The following LARS1 variants were observed in gnomAD, a reference collection of about 807,000 sequenced individuals.
LARS1 encodes the protein leucine--tRNA ligase, cytoplasmic.
LARS1 carries 100 observed loss-of-function variants against 162.8 expected under a neutral mutation model. The ratio of observed to expected loss-of-function variants is 0.61; its 90% CI spans 0.52 to 0.73. The LOEUF is 0.73. LARS1 is among the 30% of genes least tolerant of loss of function. LARS1 has a pLI of 0.00. For synonymous variants in LARS1, 457 were observed against 462.8 expected (o/e 0.99, Z 0.16); for missense variants, 1,258 against 1,408.9 (o/e 0.89, Z 1.71).
Position 146,152,006 on chromosome 5 carries a change from C to T in LARS1, c.1285-4G>A, listed in dbSNP as rs1258762841. 2 of 1,613,648 alleles carry T rather than the reference C, an allele frequency of 1.2e-6. No homozygotes were observed. The highest frequency in any genetic ancestry group is 2.2e-5 in the South Asian group (2 of 91,082). ...CTGGGATTTCAATGACTGGCACCTGCAGCAAACAGCAATCAGGAACGTGTT... is the reference window on the plus strand; with the variant it reads ...CTGGGATTTCAATGACTGGCACCTGTAGCAAACAGCAATCAGGAACGTGTT... On this transcript the variant is annotated splice_region_variant and splice_polypyrimidine_tract_variant and intron_variant, in intron 13 of 31. Coordinates refer to ENST00000394434, the MANE Select transcript of LARS1 (RefSeq NM_020117.11).
intron 10 of LARS1, among the ~76,000 whole-genome samples, chr5:146,154,847 T>C (rs371947205): frequency 6.6e-6 from 1 of 152,086 alleles, no homozygotes; most frequent in Admixed American, 6.5e-5. Flanking sequence ...TTATACCTAC[T>C]AGAGGAAAAA....
chr5:146,179,760 C>G (rs1754752944), intron 1 of LARS1: 1 of 326,954 alleles, frequency 3.1e-6, no homozygotes, highest in Admixed American at 3.7e-5. Context: ...CACCACCATA[C>G]CCAGATAGTT....
intron 13 of LARS1, among the ~76,000 whole-genome samples, chr5:146,152,487 A>T (rs904056489): frequency 6.6e-6 from 1 of 152,082 alleles, no homozygotes; most frequent in African/African-American, 2.4e-5. Flanking sequence ...CACGAACCCT[A>T]TTGTGAACTG....
chr5:146,165,459 A>T (rs1054066684), intron 5 of LARS1, among the ~76,000 whole-genome samples: 2 of 152,184 alleles, frequency 1.3e-5, no homozygotes, highest in South Asian at 4.1e-4. Flanking sequence ...TGAACCCAGG[A>T]GGCAGAGGTT....
chr5:146,174,589 T>G (rs1581090701), intron 2 of LARS1, among the ~76,000 whole-genome samples: 2 of 4,922 alleles, frequency 4.1e-4, no homozygotes, highest in Non-Finnish European at 1.7e-3. Flanking sequence ...TATATATCCA[T>G]ATATATATAT....
chr5:146,157,690 G>A (rs1257043506), intron 9 of LARS1, 38 bp downstream of exon 9: 3 of 1,611,538 alleles, frequency 1.9e-6, no homozygotes, highest in Non-Finnish European at 2.5e-6. Flanking sequence ...CTATCTGATG[G>A]TTCAGAAATG....
Position 146,120,416 on chromosome 5 carries a change from CACA to C in LARS1, c.3277_3279del (p.Cys1093del). Reference sequence around the variant, plus strand: ...TTCATTAAACGCCTGATTATGGAATCACAGTTATCTCCTTGCCTGATTTCAATT... The same window carrying C: ...TTCATTAAACGCCTGATTATGGAATCGTTATCTCCTTGCCTGATTTCAATT... On this transcript the variant is annotated inframe_deletion, in exon 31 of 32. Transcript: ENST00000394434. The C allele has an allele frequency of 6.2e-7, 1 of 1,613,342 alleles. No individual in the cohort carries two copies. The highest frequency in any genetic ancestry group is 1.7e-5 in the Admixed American group (1 of 59,950).
Position 146,126,493 on chromosome 5 carries a change from C to T in LARS1, c.2933G>A (p.Ser978Asn). The stretch of plus-strand genomic sequence containing the variant: ...CATGTATTTCTTCAGTTCTGGCATA[C>T]TGCCTAGTTCACTAGCAATGACTTT... ...DNKVIASELG[S>N]MPELKKYMKK... The change falls in exon 28 of 32, where the codon AGT becomes AAT. Residue 978 changes from serine (S) to asparagine (N), a missense_variant. Ser to Asn is a conservative substitution (Grantham distance 46). Transcript: ENST00000394434. 6.8e-6 allele frequency: 11 copies of T among 1,612,442 alleles called. No homozygotes were observed. Among genetic ancestry groups the T allele is most frequent in the Non-Finnish European group, 9.3e-6 (11 of 1,178,870 alleles).
At chr5:146,130,254 G>T in intron 24 of LARS1, 96 bp from the exon 25 acceptor site, 1 of 1,169,298 alleles carries the variant, frequency 8.6e-7, no homozygotes, top group Non-Finnish European at 1.2e-6. Flanking sequence ...ACATTTTTAA[G>T]TTTCTAGTCT....
chr5:146,137,957 C>G (rs1312018290), intron 21 of LARS1: 1 of 155,894 alleles, frequency 6.4e-6, no homozygotes, highest in Non-Finnish European at 1.4e-5. Flanking sequence ...CCCGTCTCTA[C>G]TAAAAATACA....
intron 31 of LARS1, 22 bp downstream of exon 31, chr5:146,120,349 G>A: frequency 3.1e-6 from 5 of 1,611,700 alleles, no homozygotes; most frequent in Admixed American, 1.7e-5. Context: ...CTGACAAATG[G>A]GAGTTTTGGG....
rs1342266347 is a variant in LARS1, at chr5:146,157,635, A to G, written c.840-7T>C. ...ATTTTTACCTTTCAGGCCACTGAGA[A>G]AAAAAAACAAATATTGATGTAAAAA... On this transcript the variant is annotated splice_polypyrimidine_tract_variant and splice_region_variant and intron_variant, in intron 9 of 31. Coordinates refer to ENST00000394434, the MANE Select transcript of LARS1 (RefSeq NM_020117.11). 1 of 1,613,792 alleles carries G rather than the reference A, an allele frequency of 6.2e-7. No individual in the cohort carries two copies.
intron 21 of LARS1, chr5:146,137,817 A>C: frequency 3.6e-6 from 1 of 276,612 alleles, no homozygotes; most frequent in Non-Finnish European, 7.1e-6. Flanking sequence ...TCCAGAACAC[A>C]CAGCTCTTCT....
intron 31 of LARS1, among the ~76,000 whole-genome samples, chr5:146,116,373 C>T (rs535110772): frequency 6.6e-6 from 1 of 152,306 alleles, no homozygotes; most frequent in Non-Finnish European, 1.5e-5. Context: ...TACACACACA[C>T]TCTTTCTCTC....
At chr5:146,177,034 C>T (rs1754612314) in intron 2 of LARS1, among the ~76,000 whole-genome samples, 1 of 151,892 alleles carries the variant, frequency 6.6e-6, no homozygotes, top group Non-Finnish European at 1.5e-5. Context: ...CTTTACAAAC[C>T]CCATAAGAAA....
Position 146,126,417 on chromosome 5 carries a change from A to G in LARS1, c.2991+18T>C, listed in dbSNP as rs796105401. ...CCATTGCTCATGTGGTCACAGCTGCATAAGGTCCACAGCTTACCTTAATCA... is the reference window on the plus strand; with the variant it reads ...CCATTGCTCATGTGGTCACAGCTGCGTAAGGTCCACAGCTTACCTTAATCA... On this transcript the variant is annotated intron_variant, in intron 28 of 31. Coordinates refer to ENST00000394434, the MANE Select transcript of LARS1 (RefSeq NM_020117.11). 1.4e-6 allele frequency: 2 copies of G among 1,481,382 alleles called. No homozygotes were observed. The highest frequency in any genetic ancestry group is 4.5e-5 in the East Asian group (2 of 44,270). The allele number at this position is 1,481,382 out of a possible 1,614,324, so 91.8% of individuals were successfully genotyped here. A position where few individuals can be genotyped will look rare whatever the true frequency, so the allele number is the denominator to read the frequency against.
At chr5:146,141,742 G>A (rs1752786874) in intron 20 of LARS1, among the ~76,000 whole-genome samples, 1 of 152,206 alleles carries the variant, frequency 6.6e-6, no homozygotes, top group Non-Finnish European at 1.5e-5. Flanking sequence ...ACTGCAGTGA[G>A]CCAAGATCAT....
intron 28 of LARS1, among the ~76,000 whole-genome samples, chr5:146,125,976 C>A (rs1752025389): frequency 6.6e-6 from 1 of 151,926 alleles, no homozygotes; most frequent in Non-Finnish European, 1.5e-5. Flanking sequence ...TCCTACAGTG[C>A]ACAAGAAAGT....
chr5:146,150,291 A>C (rs1414883860), intron 14 of LARS1, among the ~76,000 whole-genome samples: 1 of 152,180 alleles, frequency 6.6e-6, no homozygotes, highest in African/African-American at 2.4e-5. Context: ...TTTCACCTAC[A>C]TGACTCTTAT....
Sources: gnomAD v4.1 joint callset for allele counts (sites outside exome capture counted in the v4.1 genomes callset) on GRCh38, gnomAD v4.1.1 for gene constraint, MANE v1.5 for transcripts, NCBI Gene and HGNC (gene_info 2026-07-23, HGNC 2026-07-21) for gene names.